TTC27: variants seen among roughly 807,000 people sequenced by gnomAD.
TTC27 encodes the protein tetratricopeptide repeat domain 27.
A neutral mutation model predicts 115.9 loss-of-function variants in TTC27; 79 were observed. That is an observed-to-expected ratio of 0.68 (90% CI 0.57 to 0.82). The LOEUF (loss-of-function observed/expected upper bound fraction) is 0.82. Among genes scored for constraint, TTC27 ranks in the 40% least tolerant of loss-of-function variants. The pLI is 0.00. For synonymous variants in TTC27, 401 were observed against 356.0 expected (o/e 1.13, Z -1.42); for missense variants, 1,054 against 993.1 (o/e 1.06, Z -0.82).
chr2:32,654,697 A>AT (rs1202304878), intron 5 of TTC27, among the ~76,000 whole-genome samples: 3,958 of 140,240 alleles, frequency 0.028, 57 homozygotes, highest in Middle Eastern at 0.06. Flanking sequence ...TACATGGCTA[A>AT]TTTTTTTTTT....
At chr2:32,811,506 G>A (rs1671315660) in intron 17 of TTC27, among the ~76,000 whole-genome samples, 1 of 152,168 alleles carries the variant, frequency 6.6e-6, no homozygotes, top group South Asian at 2.1e-4. Context: ...CTGCAGCAGA[G>A]TTGGCTTTTG....
intron 4 of TTC27, among the ~76,000 whole-genome samples, chr2:32,642,587 G>A (rs965463593): frequency 6.6e-6 from 1 of 152,094 alleles, no homozygotes; most frequent in Non-Finnish European, 1.5e-5. Context: ...TAGAAGGGAA[G>A]TGGTGCCTCT....
At chr2:32,806,643 A>T (rs933473159) in intron 16 of TTC27, among the ~76,000 whole-genome samples, 1 of 152,204 alleles carries the variant, frequency 6.6e-6, no homozygotes. Flanking sequence ...TTAGCCGGGC[A>T]TGGTGGCACG....
At chr2:32,683,254 G>T (rs768487384) in intron 9 of TTC27, among the ~76,000 whole-genome samples, 1 of 152,112 alleles carries the variant, frequency 6.6e-6, no homozygotes, top group Non-Finnish European at 1.5e-5. Flanking sequence ...CTCCCAAAGT[G>T]CTGGATTTAC....
intron 13 of TTC27, among the ~76,000 whole-genome samples, chr2:32,760,880 C>T (rs1174592619): frequency 6.6e-6 from 1 of 152,182 alleles, no homozygotes. Context: ...GCCTCGCTGG[C>T]AGCTCCTTCT....
At chr2:32,733,948 T>A in intron 11 of TTC27, 25 bp downstream of exon 11, 3 of 1,523,278 alleles carry the variant, frequency 2.0e-6, no homozygotes, top group Non-Finnish European at 2.7e-6. Flanking sequence ...TGTCATTGGG[T>A]ATGGAAATTA....
intron 10 of TTC27, among the ~76,000 whole-genome samples, chr2:32,721,620 CTTTT>C (rs58839860): frequency 7.3e-6 from 1 of 137,340 alleles, no homozygotes. Context: ...CTCTCTCTCT[CTTTT>C]TTTTTTTTTT....
At chr2:32,738,214 C>T (rs576658785) in intron 12 of TTC27, among the ~76,000 whole-genome samples, 85 of 152,190 alleles carry the variant, frequency 5.6e-4, no homozygotes, top group African/African-American at 2.0e-3. Flanking sequence ...CTCTGGCTGC[C>T]GGTAGTCAAA....
chr2:32,807,964 G>A lies in TTC27; in HGVS notation c.1999-3060G>A, dbSNP rs367794331. 8.8e-5 allele frequency among the ~76,000 whole-genome samples: 10 copies of A among 113,040 alleles called. No individual in the cohort carries two copies. The East Asian group carries it at 1.5e-3, about 17-fold the overall frequency. 74.2% of individuals were successfully genotyped at this position (113,040 alleles called of 152,430 possible). On this transcript the variant is annotated intron_variant, in intron 16 of 19. Coordinates refer to ENST00000317907, the MANE Select transcript of TTC27 (RefSeq NM_017735.5). Reference sequence around the variant, plus strand: ...TTTTTTTTTTTGGAGACAGAGTTTCGCTCTTGTTATCCAGGATGGCATGCA... The same window carrying A: ...TTTTTTTTTTTGGAGACAGAGTTTCACTCTTGTTATCCAGGATGGCATGCA...
At chr2:32,782,788 A>G (rs962377896) in intron 15 of TTC27, 110 bp downstream of exon 15, 8 of 814,318 alleles carry the variant, frequency 9.8e-6, no homozygotes, top group Non-Finnish European at 1.4e-5. Flanking sequence ...TTTCTCGCCC[A>G]TGTATATGAA....
chr2:32,674,100 A>C (rs1666108480), intron 8 of TTC27, among the ~76,000 whole-genome samples: 1 of 152,184 alleles, frequency 6.6e-6, no homozygotes, highest in Non-Finnish European at 1.5e-5. Context: ...TATTGATACC[A>C]GTTAAATTAG....
In TTC27 at chr2:32,806,818, T is replaced by C. The variant is rs920636514; in HGVS notation, c.1999-4206T>C. Among the ~76,000 whole-genome samples the C allele has an allele frequency of 3.3e-5, 5 of 152,160 alleles. No individual in the cohort carries two copies. The East Asian group carries it at 9.6e-4, about 29-fold the overall frequency. On this transcript the variant is annotated intron_variant, in intron 16 of 19. Coordinates refer to ENST00000317907, the MANE Select transcript of TTC27 (RefSeq NM_017735.5). ...AGTTGATATCACTCTAGAACCACTT[T>C]TTAAGATTGAATATTAGCTTCATTT...
At chr2:32,744,088 A>G (rs1047273597) in intron 12 of TTC27, among the ~76,000 whole-genome samples, 1 of 152,260 alleles carries the variant, frequency 6.6e-6, no homozygotes, top group African/African-American at 2.4e-5. Flanking sequence ...GTCCGATATG[A>G]TAGATACACA....
At chr2:32,701,080 T>C (rs779661084) in intron 9 of TTC27, among the ~76,000 whole-genome samples, 23 of 152,304 alleles carry the variant, frequency 1.5e-4, no homozygotes, top group Non-Finnish European at 1.8e-4. Context: ...CAAAGTTAAT[T>C]ATAGAAGAAT....
In TTC27 at chr2:32,637,928, C is replaced by T. The variant is rs897065537; in HGVS notation, c.397-2342C>T. Reference sequence around the variant, plus strand: ...TGTGTCTGTATTTCAGTTACACACGCCACCATGGTGTAGTGCCAGTCAGAA... The same window carrying T: ...TGTGTCTGTATTTCAGTTACACACGTCACCATGGTGTAGTGCCAGTCAGAA... On this transcript the variant is annotated intron_variant, in intron 3 of 19. Coordinates refer to ENST00000317907, the MANE Select transcript of TTC27 (RefSeq NM_017735.5). 4.6e-5 allele frequency among the ~76,000 whole-genome samples: 7 copies of T among 152,180 alleles called. No individual in the cohort carries two copies. In the East Asian group the frequency reaches 9.6e-4, roughly 21 times the overall value.
intron 5 of TTC27, among the ~76,000 whole-genome samples, chr2:32,660,727 A>C (rs1426142572): frequency 6.6e-6 from 1 of 152,026 alleles, no homozygotes; most frequent in Non-Finnish European, 1.5e-5. Flanking sequence ...TTGCCTGTTC[A>C]CTCTGATGAT....
rs1670161485 is a variant in TTC27 at position 32,781,098 on chromosome 2, T to A, written c.1780-1528T>A. 2.6e-5 allele frequency among the ~76,000 whole-genome samples: 4 copies of A among 152,202 alleles called. No homozygotes were observed. In the South Asian group the frequency reaches 8.3e-4, roughly 31 times the overall value. ...CTGGCAAGCTTCCATTGATGAGGGA[T>A]GGCAGAGTGCAAAATTAGTCCCAGA... is the stretch of plus-strand genomic sequence containing the variant. On this transcript the variant is annotated intron_variant, in intron 14 of 19. Coordinates refer to ENST00000317907, the MANE Select transcript of TTC27 (RefSeq NM_017735.5).
intron 8 of TTC27, among the ~76,000 whole-genome samples, chr2:32,673,837 A>G (rs1363489261): frequency 6.6e-6 from 1 of 152,030 alleles, no homozygotes; most frequent in Admixed American, 6.6e-5. Flanking sequence ...TCTACTAAAA[A>G]TACAAAAATT....
At chr2:32,674,154 C>CTT (rs1296988706) in intron 8 of TTC27, among the ~76,000 whole-genome samples, 2 of 142,474 alleles carry the variant, frequency 1.4e-5, no homozygotes, top group Non-Finnish European at 1.5e-5. Flanking sequence ...AAATCTTGTT[C>CTT]TTTTTTTTTT....
Sources: allele counts gnomAD v4.1 joint callset (sites outside exome capture counted in the v4.1 genomes callset), GRCh38; gene constraint gnomAD v4.1.1; transcripts MANE v1.5; gene names NCBI Gene and HGNC (gene_info 2026-07-23, HGNC 2026-07-21).